The following FSIP2 variants were observed in gnomAD, a reference collection of about 807,000 sequenced individuals.
The protein encoded by FSIP2 is fibrous sheath interacting protein 2.
Under a neutral mutation model 510.5 loss-of-function variants are expected in FSIP2, and 367 were observed. The observed-to-expected ratio is 0.72, with a 90% CI of 0.66 to 0.78. The LOEUF is 0.78. Among genes scored for constraint, FSIP2 ranks in the 30% least tolerant of loss-of-function variants. The pLI, the probability that FSIP2 is intolerant of heterozygous loss-of-function variation, is 0.00. For synonymous variants in FSIP2, 2,601 were observed against 2,732.2 expected, an observed-to-expected ratio of 0.95 and a Z score of 1.50; for missense variants, 7,594 against 7,901.7, an observed-to-expected ratio of 0.96 and a Z score of 1.48.
intron 7 of FSIP2, among the ~76,000 whole-genome samples, chr2:185,749,676 T>C (rs1574154246): frequency 6.6e-6 from 1 of 151,870 alleles, no homozygotes; most frequent in African/African-American, 2.4e-5. Context: ...TAATGCTGAA[T>C]AGAAGCAGAC....
chr2:185,784,159 T>G (rs1373843906), intron 14 of FSIP2: 1 of 152,150 alleles, frequency 6.6e-6, no homozygotes, highest in Non-Finnish European at 1.5e-5. Flanking sequence ...TTACAAAAGA[T>G]TTATAAAATT....
chr2:185,796,564 A>G lies in FSIP2; in HGVS notation c.9428A>G (p.Glu3143Gly). 1 of 1,535,076 alleles carries G rather than the reference A, an allele frequency of 6.5e-7. No individual in the cohort carries two copies. Among genetic ancestry groups the G allele is most frequent in the Non-Finnish European group, 8.7e-7 (1 of 1,146,226 alleles). ...NESLIQNLSR[E>G]SLFQGAENAY... ...TCTTTGATACAAAACCTTTCAAGAG[A>G]AAGTTTGTTCCAAGGAGCTGAAAAT... The change falls in exon 16 of 23, where the codon GAA becomes GGA. Residue 3143 changes from glutamate to glycine, a missense_variant. Coordinates refer to ENST00000424728, the MANE Select transcript of FSIP2 (RefSeq NM_173651.4).
Position 185,799,695 on chromosome 2 carries a change from A to C in FSIP2, c.10391-2A>C. Reference sequence around the variant, plus strand: ...TAAAATTACAATGTTTCCTTTTTTAAGTTTTTAGTGAGGAAAAGATGTCTG... The same window carrying C: ...TAAAATTACAATGTTTCCTTTTTTACGTTTTTAGTGAGGAAAAGATGTCTG... On this transcript the variant is annotated splice_acceptor_variant, in intron 16 of 22. Coordinates refer to ENST00000424728, the MANE Select transcript of FSIP2 (RefSeq NM_173651.4). LOFTEE classifies it high-confidence loss of function. 1 of 1,242,778 alleles carries C rather than the reference A, an allele frequency of 8.0e-7. No homozygotes were observed. The allele number at this position is 1,242,778 out of a possible 1,614,324, so 77.0% of individuals were successfully genotyped here.
At chr2:185,748,868 G>T (rs1294051789) in intron 7 of FSIP2, among the ~76,000 whole-genome samples, 1 of 151,972 alleles carries the variant, frequency 6.6e-6, no homozygotes, top group African/African-American at 2.4e-5. Context: ...AAGAAATTTT[G>T]AATTCCTTTG....
At position 185,800,484 on chromosome 2, in the gene FSIP2, T is replaced by A; in HGVS notation, c.11178T>A (p.Tyr3726Ter). ...GMDSGKIQRT[Y>*]FYSSNNEQPN... ...ATTCTGGTAAAATACAAAGAACATA[T>A]TTCTACTCCTCGAATAATGAGCAAC... Residue 3726 changes from tyrosine (Y) to a stop codon, truncating the protein, a stop_gained, in exon 17 of 23, where the codon TAT becomes TAA. Coordinates refer to ENST00000424728, the MANE Select transcript of FSIP2 (RefSeq NM_173651.4). LOFTEE classifies it high-confidence loss of function. 6.5e-7 allele frequency: 1 copy of A among 1,533,246 alleles called. No homozygotes were observed. Among genetic ancestry groups the A allele is most frequent in the Non-Finnish European group, 8.7e-7 (1 of 1,145,270 alleles). The allele number at this position is 1,533,246 out of a possible 1,614,324, so 95.0% of individuals were successfully genotyped here.
At chr2:185,828,782 T>A (rs933859290) in intron 21 of FSIP2, among the ~76,000 whole-genome samples, 12 of 151,892 alleles carry the variant, frequency 7.9e-5, no homozygotes, top group African/African-American at 2.2e-4. Context: ...AAGCTACACA[T>A]CTTCGTCTGT....
In FSIP2 at chr2:185,739,474, G is replaced by A; in HGVS notation, c.225+3G>A. On this transcript the variant is annotated splice_donor_region_variant and intron_variant, in intron 2 of 22. Transcript: ENST00000424728. The stretch of plus-strand genomic sequence containing the variant: ...ATACTACGAATTTCGGTGAAAAGGT[G>A]AACAAGTTTTTATCGTCTTTCTTTC... The A allele has an allele frequency of 6.7e-7, 1 of 1,493,202 alleles. No individual in the cohort carries two copies. Among genetic ancestry groups the A allele is most frequent in the Non-Finnish European group, 8.9e-7 (1 of 1,125,490 alleles). The allele number at this position is 1,493,202 out of a possible 1,614,324, so 92.5% of individuals were successfully genotyped here.
chr2:185,831,236 C>T (rs947775761), intron 21 of FSIP2, among the ~76,000 whole-genome samples: 1 of 151,770 alleles, frequency 6.6e-6, no homozygotes, highest in African/African-American at 2.4e-5. Flanking sequence ...AGCTGAAGCC[C>T]CAACACCTGT....
chr2:185,805,604 G>A lies in FSIP2; in HGVS notation c.16298G>A (p.Cys5433Tyr), dbSNP rs1693547528. The change falls in exon 17 of 23, where the codon TGT becomes TAT. Residue 5433 changes from cysteine to tyrosine, a missense_variant. Physicochemically the swap from Cys to Tyr is radical, Grantham distance 194. Transcript: ENST00000424728. ...PQNTFTQISRCAKENQLSLPD... is the reference protein window; with the variant it reads ...PQNTFTQISRYAKENQLSLPD... ...AACACCTTTACACAAATAAGCAGAT[G>A]TGCAAAAGAGAACCAACTTTCTTTA... is the stretch of plus-strand genomic sequence containing the variant. 1.1e-5 allele frequency: 18 copies of A among 1,608,806 alleles called. No homozygotes were observed. Among genetic ancestry groups the A allele is most frequent in the Non-Finnish European group, 1.4e-5 (17 of 1,177,860 alleles).
At chr2:185,824,869 T>A (rs1022494747) in intron 20 of FSIP2, among the ~76,000 whole-genome samples, 9 of 151,892 alleles carry the variant, frequency 5.9e-5, no homozygotes, top group Non-Finnish European at 8.8e-5. Context: ...TCCCTCATAT[T>A]AAAATCGGCC....
At chr2:185,753,142 A>G (rs1692181136) in intron 7 of FSIP2, among the ~76,000 whole-genome samples, 1 of 151,342 alleles carries the variant, frequency 6.6e-6, no homozygotes, top group South Asian at 2.1e-4. Flanking sequence ...ATCCCTAGAT[A>G]GGTTGCAGTG....
Position 185,797,389 on chromosome 2 carries a change from A to G in FSIP2, c.10253A>G (p.Tyr3418Cys), listed in dbSNP as rs1370861182. The G allele has an allele frequency of 6.5e-7, 1 of 1,529,838 alleles. No individual in the cohort carries two copies. Among genetic ancestry groups the G allele is most frequent in the Admixed American group, 2.0e-5 (1 of 49,732 alleles). 94.8% of individuals were successfully genotyped at this position (1,529,838 alleles called of 1,614,324 possible). ...SFLQKLKKKEYPKIETVKEVE... is the reference protein window; with the variant it reads ...SFLQKLKKKECPKIETVKEVE... ...TTGCAAAAATTGAAAAAAAAGGAGT[A>G]CCCAAAGATAGAGACTGTGAAGGAA... The change falls in exon 16 of 23, where the codon TAC becomes TGC. Residue 3418 changes from tyrosine to cysteine, a missense_variant. Transcript: ENST00000424728.
rs1404901110 is a variant in FSIP2, at chr2:185,789,277, AAAT to A, written c.2145_2147del (p.Ile715del). ...GTGATTTTAGAAAGCATTTTGCGAG[AAAT>A]AATGTCTGATTTAACCCAGGCCATT... On this transcript the variant is annotated inframe_deletion, in exon 16 of 23. Coordinates refer to ENST00000424728, the MANE Select transcript of FSIP2 (RefSeq NM_173651.4). 2 of 1,534,560 alleles carry A rather than the reference AAAT, an allele frequency of 1.3e-6. No homozygotes were observed. Among genetic ancestry groups the A allele is most frequent in the East Asian group, 4.9e-5 (2 of 40,878 alleles).
At position 185,807,821 on chromosome 2, in the gene FSIP2, A is replaced by G; in HGVS notation, c.18515A>G (p.Asp6172Gly). Residue 6172 changes from aspartate to glycine, a missense_variant, in exon 17 of 23, where the codon GAT (aspartate) becomes GGT (glycine). Coordinates refer to ENST00000424728, the MANE Select transcript of FSIP2 (RefSeq NM_173651.4). ...DVPLPKPSHA[D>G]KLSYNIIEEI... is the part of the protein sequence containing the mutation. ...CCCCTACCTAAACCTTCACATGCTG[A>G]TAAGCTGTCTTATAACATAATAGAA... 1 of 1,612,606 alleles carries G rather than the reference A, an allele frequency of 6.2e-7. No individual in the cohort carries two copies.
intron 13 of FSIP2, among the ~76,000 whole-genome samples, chr2:185,781,861 G>A (rs1409156812): frequency 6.7e-6 from 1 of 148,356 alleles, no homozygotes; most frequent in Non-Finnish European, 1.5e-5. Flanking sequence ...TTTTTGAGAC[G>A]GAGTCTTGCT....
At chr2:185,825,845 T>C (rs1209561309) in intron 20 of FSIP2, among the ~76,000 whole-genome samples, 1 of 151,784 alleles carries the variant, frequency 6.6e-6, no homozygotes, top group African/African-American at 2.4e-5. Context: ...GGAAGTCCCA[T>C]CCCAAGGGTA....
chr2:185,781,059 A>ATTTTTTTTTT (rs61546803), intron 13 of FSIP2, among the ~76,000 whole-genome samples: 1 of 145,594 alleles, frequency 6.9e-6, no homozygotes. Flanking sequence ...CTGTGGCATG[A>ATTTTTTTTTT]TTTTTTTTTT....
chr2:185,737,336 T>C (rs1166246431), upstream of FSIP2, among the ~76,000 whole-genome samples: 1 of 152,048 alleles, frequency 6.6e-6, no homozygotes, highest in Non-Finnish European at 1.5e-5. Flanking sequence ...CTGAGGGCAG[T>C]TGGGAGTTTA....
At chr2:185,815,236 G>A in intron 18 of FSIP2, 135 bp from the exon 19 acceptor site, 1 of 580,842 alleles carries the variant, frequency 1.7e-6, no homozygotes, top group South Asian at 2.2e-5. Flanking sequence ...GAATTATAGG[G>A]CCCACACCCA....
Sources: gnomAD v4.1 joint callset for allele counts (sites outside exome capture counted in the v4.1 genomes callset) on GRCh38, gnomAD v4.1.1 for gene constraint, MANE v1.5 for transcripts, NCBI Gene and HGNC (gene_info 2026-07-23, HGNC 2026-07-21) for gene names.